The following ASTE1 variants were observed in gnomAD, a reference collection of about 807,000 sequenced individuals.
ASTE1 encodes single-strand DNA endonuclease ASTE1.
ASTE1 carries 49 observed loss-of-function variants against 45.8 expected under a neutral mutation model. The observed-to-expected ratio is 1.07, with a 90% CI of 0.85 to 1.36. ASTE1 has a LOEUF of 1.36. Among genes scored for constraint, ASTE1 ranks in the 40% most tolerant of loss-of-function variants. ASTE1 has a pLI of 0.00. For missense variants in ASTE1, 709 were observed against 804.0 expected, an observed-to-expected ratio of 0.88 and a Z score of 1.43; for synonymous variants, 296 against 303.9, an observed-to-expected ratio of 0.97 and a Z score of 0.27.
chr3:131,020,889 G>T (rs2063733187), intron 3 of ASTE1, among the ~76,000 whole-genome samples: 1 of 152,144 alleles, frequency 6.6e-6, no homozygotes, highest in South Asian at 2.1e-4. Flanking sequence ...ACTTAGCAAG[G>T]AATATAAGCA....
intron 3 of ASTE1, among the ~76,000 whole-genome samples, chr3:131,023,480 T>G (rs2063768920): frequency 6.6e-6 from 1 of 152,196 alleles, no homozygotes; most frequent in South Asian, 2.1e-4. Flanking sequence ...ATGTTTTCTG[T>G]ATCAAACTAG....
chr3:131,024,089 T>C lies in ASTE1; in HGVS notation c.1218A>G (p.Glu406=). 3.1e-6 allele frequency: 5 copies of C among 1,614,208 alleles called. No individual in the cohort carries two copies. The highest frequency in any genetic ancestry group is 4.2e-6 in the Non-Finnish European group (5 of 1,180,014). The change falls in exon 3 of 6, where the codon GAA becomes GAG. Residue 406 remains glutamate (E), a synonymous_variant. Transcript: ENST00000264992. ...AGGTTCTGATATTTTTATTAATCCT[T>C]TCCACTTCACTGAAAGCTAGAGGCT... ...PPQPLAFSEV[E]RINKNIRTSI... is the part of the protein sequence containing the mutation.
In ASTE1 at chr3:131,025,076, T is replaced by C. The variant is rs753826509; in HGVS notation, c.231A>G (p.Val77=). ...CTGAAATGTCACATCCTCCATCTAA[T>C]ACAACATATGGGCATATATTACAAG... is the stretch of plus-strand genomic sequence containing the variant. ...LFACNICPYV[V]LDGGCDISDK... is the part of the protein sequence containing the mutation. Residue 77 remains valine, a synonymous_variant, in exon 3 of 6, where the codon GTA becomes GTG. Transcript: ENST00000264992. 5.6e-5 allele frequency: 91 copies of C among 1,612,658 alleles called. No individual in the cohort carries two copies. The highest frequency in any genetic ancestry group is 7.5e-5 in the Non-Finnish European group (88 of 1,179,300).
rs375881748 is a variant in ASTE1 at position 131,024,066 on chromosome 3, G to A, written c.1241C>T (p.Thr414Ile). Reference protein sequence around the residue: ...EVERINKNIRTSIIDAVELAK... With the variant: ...EVERINKNIRISIIDAVELAK... ...CAGTTCTACTGCATCAATGATTGAG[G>A]TTCTGATATTTTTATTAATCCTTTC... Residue 414 changes from threonine to isoleucine, a missense_variant, in exon 3 of 6, where the codon ACC becomes ATC. By Grantham distance (89) the Thr-to-Ile change is moderately conservative (BLOSUM62 -1). Coordinates refer to ENST00000264992, the MANE Select transcript of ASTE1 (RefSeq NM_014065.4). 2 of 1,613,930 alleles carry A rather than the reference G, an allele frequency of 1.2e-6. No homozygotes were observed. Among genetic ancestry groups the A allele is most frequent in the African/African-American group, 2.7e-5 (2 of 74,930 alleles).
chr3:131,016,072 T>G, intron 5 of ASTE1, 72 bp downstream of exon 5: 1 of 1,544,206 alleles, frequency 6.5e-7, no homozygotes, highest in Non-Finnish European at 8.8e-7. Flanking sequence ...TTTGTTGCTT[T>G]AAATATAAGT....
In ASTE1 at chr3:131,024,854, A is replaced by G. The variant is rs774480687; in HGVS notation, c.453T>C (p.His151=). The G allele has an allele frequency of 2.5e-6, 4 of 1,614,178 alleles. No individual in the cohort carries two copies. The highest frequency in any genetic ancestry group is 3.3e-5 in the Admixed American group (2 of 60,020). The change falls in exon 3 of 6, where the codon CAT becomes CAC. Residue 151 remains histidine, a synonymous_variant. Coordinates refer to ENST00000264992, the MANE Select transcript of ASTE1 (RefSeq NM_014065.4). ...CTGATGATAACACAGGGCAATTCCA[A>G]TGGTTAGCAAGTGTCATAATGTCCC... ...ADRDIMTLAN[H]WNCPVLSSDS...
At chr3:131,018,984 T>C (rs2063707075) in intron 3 of ASTE1, among the ~76,000 whole-genome samples, 1 of 152,202 alleles carries the variant, frequency 6.6e-6, no homozygotes, top group African/African-American at 2.4e-5. Flanking sequence ...CTGGTGAGCA[T>C]CTTCAGTGCA....
In ASTE1 at chr3:131,014,214, G is replaced by C. The variant is rs772872624; in HGVS notation, c.1883C>G (p.Ser628Ter). 1 of 1,592,550 alleles carries C rather than the reference G, an allele frequency of 6.3e-7. No homozygotes were observed. Among genetic ancestry groups the C allele is most frequent in the East Asian group, 2.2e-5 (1 of 44,616 alleles). Residue 628 changes from serine (S) to a stop codon, truncating the protein, a stop_gained, in exon 6 of 6, where the codon TCA becomes TGA. Transcript: ENST00000264992. LOFTEE classifies it low-confidence loss of function (END_TRUNC). ...CTGTTTCTTCTGCCTTTTTTTTTTT[G>C]AATTTGATCTACCTTTTGGTAGGAA... ...EIFLPKGRSN[S>*]KKKRQKKQNT...
At chr3:131,018,378 C>T (rs1396676072) in intron 4 of ASTE1, 128 bp downstream of exon 4, 2 of 914,756 alleles carry the variant, frequency 2.2e-6, no homozygotes, top group Admixed American at 2.4e-5. Context: ...TTGGTGCCTC[C>T]ACATCTAAGT....
chr3:131,016,811 G>T, intron 4 of ASTE1: 1 of 385,988 alleles, frequency 2.6e-6, no homozygotes, highest in Non-Finnish European at 4.7e-6. Context: ...AGTATGACTT[G>T]GAGAATTTGG....
rs144214751 is a variant in ASTE1, at chr3:131,025,587, T to C, written c.-139A>G. 1.1e-3 allele frequency: 445 copies of C among 397,830 alleles called. 1 individual carries two copies. The highest frequency in any genetic ancestry group is 8.6e-3 in the African/African-American group (421 of 49,010). The allele number at this position is 397,830 out of a possible 1,614,324, so 24.6% of individuals were successfully genotyped here. On this transcript the variant is annotated 5_prime_UTR_variant, in exon 2 of 6. Coordinates refer to ENST00000264992, the MANE Select transcript of ASTE1 (RefSeq NM_014065.4). ...ATCTTTGGATGGTGACAGAGGCTGC[T>C]GCTAATTCTAAAGAAAAATCAGTTG...
At chr3:131,015,793 G>A (rs993973228) in intron 5 of ASTE1, among the ~76,000 whole-genome samples, 10 of 152,116 alleles carry the variant, frequency 6.6e-5, no homozygotes, top group African/African-American at 2.4e-4. Flanking sequence ...TGGGTTATCA[G>A]AAAAAGGCTC....
chr3:131,023,720 A>G (rs1394060197), intron 3 of ASTE1, among the ~76,000 whole-genome samples: 1 of 152,124 alleles, frequency 6.6e-6, no homozygotes, highest in Non-Finnish European at 1.5e-5. Flanking sequence ...CCTGGTAGTA[A>G]TAACAATATA....
chr3:131,014,452 T>C (rs2063492655), intron 5 of ASTE1, 65 bp from the exon 6 acceptor site: 4 of 1,439,850 alleles, frequency 2.8e-6, no homozygotes, highest in African/African-American at 1.4e-5. Flanking sequence ...ATAACTACCA[T>C]TGACATAGCT....
At chr3:131,016,081 G>T in intron 5 of ASTE1, 63 bp downstream of exon 5, 19 of 1,507,030 alleles carry the variant, frequency 1.3e-5, no homozygotes, top group Non-Finnish European at 1.6e-5. Flanking sequence ...TTAAATATAA[G>T]TGAAAATACT....
chr3:131,014,624 T>G (rs2063503610), intron 5 of ASTE1, among the ~76,000 whole-genome samples: 1 of 152,252 alleles, frequency 6.6e-6, no homozygotes, highest in Admixed American at 6.5e-5. Flanking sequence ...ACGTGATGCA[T>G]GCTTAGTGGT....
intron 3 of ASTE1, among the ~76,000 whole-genome samples, chr3:131,019,358 G>A (rs1038722738): frequency 6.6e-6 from 1 of 152,160 alleles, no homozygotes; most frequent in Non-Finnish European, 1.5e-5. Flanking sequence ...GTAGATTAGA[G>A]GTATATTCAA....
chr3:131,021,319 G>C (rs2063739697), intron 3 of ASTE1, among the ~76,000 whole-genome samples: 1 of 152,122 alleles, frequency 6.6e-6, no homozygotes. Flanking sequence ...ATGCTCATAA[G>C]CTGTGTAATG....
chr3:131,019,742 G>C (rs2063717319), intron 3 of ASTE1, among the ~76,000 whole-genome samples: 2 of 152,214 alleles, frequency 1.3e-5, no homozygotes, highest in African/African-American at 4.8e-5. Context: ...TTAGTAGAAA[G>C]AGTGGTTGAC....
Sources: allele counts gnomAD v4.1 joint callset (sites outside exome capture counted in the v4.1 genomes callset), GRCh38; gene constraint gnomAD v4.1.1; transcripts MANE v1.5; gene names NCBI Gene and HGNC (gene_info 2026-07-23, HGNC 2026-07-21).